PPDPF: variants seen among roughly 807,000 people sequenced by gnomAD.
PPDPF encodes pancreatic progenitor cell differentiation and proliferation factor, also known as exocrine differentiation and proliferation factor.
PPDPF carries 11 observed loss-of-function variants against 6.3 expected under a neutral mutation model. The observed-to-expected ratio is 1.76, with a 90% confidence interval of 1.11 to 2.91. PPDPF has a LOEUF of 2.91. PPDPF is among the 30% of genes most tolerant of loss of function. PPDPF has a pLI of 0.00. For synonymous variants in PPDPF, 86 were observed against 64.5 expected (o/e 1.33, Z -1.60); for missense variants, 202 against 159.4 (o/e 1.27, Z -1.44).
rs565296840 is a variant in PPDPF, at chr20:63,521,381, C to G, written c.55+18C>G. On this transcript the variant is annotated intron_variant, in intron 2 of 3. Transcript: ENST00000370179. ...CTACCGGCGTGAGTAGCCCCTGCCC[C>G]CCATCCACGCGGATGCTCTGCTGGC... The G allele has an allele frequency of 6.8e-6, 11 of 1,606,036 alleles. No individual in the cohort carries two copies. The Admixed American group carries it at 8.4e-5, about 12-fold the overall frequency.
In PPDPF at chr20:63,520,951, G is replaced by A. The variant is rs1394050816; in HGVS notation, c.-26+57G>A. The A allele has an allele frequency of 3.0e-6, 3 of 1,011,642 alleles. No homozygotes were observed. In the African/African-American group the frequency reaches 5.1e-5, roughly 17 times the overall value. 62.7% of individuals were successfully genotyped at this position (1,011,642 alleles called of 1,614,324 possible). On this transcript the variant is annotated intron_variant, in intron 1 of 3. Transcript: ENST00000370179. ...AGGCCCGAGGGGCGGGGGGCGAGGG[G>A]CGGGGCTGGGCCGGGGGCTCCTCTC...
rs2082554596 is a variant in PPDPF, at chr20:63,522,054, A to C, written c.*175A>C. 6.8e-6 allele frequency: 4 copies of C among 588,414 alleles called. No individual in the cohort carries two copies. Among genetic ancestry groups the C allele is most frequent in the African/African-American group, 2.0e-5 (1 of 51,172 alleles). The allele number at this position is 588,414 out of a possible 1,614,324, so 36.4% of individuals were successfully genotyped here. A position where few individuals can be genotyped will look rare whatever the true frequency, so the allele number is the denominator to read the frequency against. On this transcript the variant is annotated 3_prime_UTR_variant, in exon 4 of 4. Coordinates refer to ENST00000370179, the MANE Select transcript of PPDPF (RefSeq NM_024299.4). ...CGCATCAACACAGCAGACACCAAAAACCAGTGAGAGCCCCGCTCTCTACCG... is the reference window on the plus strand; with the variant it reads ...CGCATCAACACAGCAGACACCAAAACCCAGTGAGAGCCCCGCTCTCTACCG...
chr20:63,521,383 C>A lies in PPDPF; in HGVS notation c.55+20C>A, dbSNP rs778095287. 3.7e-6 allele frequency: 6 copies of A among 1,605,604 alleles called. No homozygotes were observed. The highest frequency in any genetic ancestry group is 1.3e-5 in the African/African-American group (1 of 74,706). ...ACCGGCGTGAGTAGCCCCTGCCCCC[C>A]ATCCACGCGGATGCTCTGCTGGCGC... On this transcript the variant is annotated intron_variant, in intron 2 of 3. Coordinates refer to ENST00000370179, the MANE Select transcript of PPDPF (RefSeq NM_024299.4).
rs756037403 is a variant in PPDPF, at chr20:63,521,307, G to C, written c.-2G>C. 5 of 1,610,068 alleles carry C rather than the reference G, an allele frequency of 3.1e-6. No homozygotes were observed. Among genetic ancestry groups the C allele is most frequent in the Non-Finnish European group, 4.2e-6 (5 of 1,178,786 alleles). The stretch of plus-strand genomic sequence containing the variant: ...AGATCCCACCAGCCAGCAAGCTAAA[G>C]CATGGCGGCCATCCCCTCCAGCGGC... On this transcript the variant is annotated 5_prime_UTR_variant, in exon 2 of 4. Transcript: ENST00000370179.
In PPDPF at chr20:63,521,929, G is replaced by A. The variant is rs1355169033; in HGVS notation, c.*50G>A. ...GGCCTGCGGAGGCGCTAGTCCACCA[G>A]AGCCCCTCCCCGCCCCTCTCCCCAC... On this transcript the variant is annotated 3_prime_UTR_variant, in exon 4 of 4. Transcript: ENST00000370179. 6.9e-7 allele frequency: 1 copy of A among 1,446,082 alleles called. No individual in the cohort carries two copies. Among genetic ancestry groups the A allele is most frequent in the Admixed American group, 2.0e-5 (1 of 49,210 alleles). 89.6% of individuals were successfully genotyped at this position (1,446,082 alleles called of 1,614,324 possible). A position where few individuals can be genotyped will look rare whatever the true frequency, so the allele number is the denominator to read the frequency against.
intron 1 of PPDPF, 114 bp from the exon 2 acceptor site, chr20:63,521,170 A>T (rs2082540598): frequency 1.9e-6 from 2 of 1,043,648 alleles, no homozygotes; most frequent in Non-Finnish European, 2.7e-6. Flanking sequence ...CGGTGCCGGG[A>T]GCTGGGGAGC....
chr20:63,521,254 C>T (rs903884236), intron 1 of PPDPF, 30 bp from the exon 2 acceptor site: 27 of 1,544,912 alleles, frequency 1.7e-5, no homozygotes, highest in African/African-American at 5.5e-5. Flanking sequence ...AGGCCGCTGA[C>T]CCGAGGGGCT....
intron 2 of PPDPF, 60 bp from the exon 3 acceptor site, chr20:63,521,452 A>G: frequency 6.4e-7 from 1 of 1,571,790 alleles, no homozygotes; most frequent in Non-Finnish European, 8.7e-7. Flanking sequence ...GCTCGGCCTG[A>G]AGGCCGGTGG....
chr20:63,521,950 C>T lies in PPDPF; in HGVS notation c.*71C>T. The T allele has an allele frequency of 8.1e-7, 1 of 1,233,298 alleles. No individual in the cohort carries two copies. Among genetic ancestry groups the T allele is most frequent in the Non-Finnish European group, 1.1e-6 (1 of 888,746 alleles). The allele number at this position is 1,233,298 out of a possible 1,614,324, so 76.4% of individuals were successfully genotyped here. ...ACCAGAGCCCCTCCCCGCCCCTCTC[C>T]CCACTCCGCATCCCTCGCCCCCCTC... On this transcript the variant is annotated 3_prime_UTR_variant, in exon 4 of 4. Coordinates refer to ENST00000370179, the MANE Select transcript of PPDPF (RefSeq NM_024299.4).
chr20:63,521,578 C>T lies in PPDPF; in HGVS notation c.122C>T (p.Pro41Leu), dbSNP rs1378538984. Residue 41 changes from proline to leucine, a missense_variant, in exon 3 of 4, where the codon CCC becomes CTC. By Grantham distance (98) the Pro-to-Leu change is moderately conservative. Coordinates refer to ENST00000370179, the MANE Select transcript of PPDPF (RefSeq NM_024299.4). ...SSTECPGEAI[P>L]HPPGLPKADP... is the part of the protein sequence containing the mutation. ...ACCGAGTGCCCCGGGGAAGCCATTC[C>T]CCACCCCCCAGGTGAGTGCAGGATC... The T allele has an allele frequency of 6.2e-7, 1 of 1,609,206 alleles. No individual in the cohort carries two copies. Among genetic ancestry groups the T allele is most frequent in the Admixed American group, 1.7e-5 (1 of 59,536 alleles).
chr20:63,521,155 G>T (rs73622818), intron 1 of PPDPF, 129 bp from the exon 2 acceptor site: 2 of 954,074 alleles, frequency 2.1e-6, no homozygotes, highest in Non-Finnish European at 1.5e-6. Context: ...CCCGCGCGGC[G>T]AAGGCGGTGC....
rs759369565 is a variant in PPDPF, at chr20:63,521,867, G to GC, written c.338dup (p.Ser114ValfsTer4). The GC allele has an allele frequency of 3.2e-5, 51 of 1,591,444 alleles. No individual in the cohort carries two copies. Among genetic ancestry groups the GC allele is most frequent in the Non-Finnish European group, 4.4e-5 (51 of 1,170,016 alleles). The stretch of plus-strand genomic sequence containing the variant: ...GTCAGTCCAGCACAGCCAGCGCTGG[G>GC]CCCCCGTCCTGACCTGAGCGGTTAC... On this transcript the variant is annotated frameshift_variant, in exon 4 of 4. Transcript: ENST00000370179. LOFTEE classifies it high-confidence loss of function.
intron 1 of PPDPF, 135 bp from the exon 2 acceptor site, chr20:63,521,149 C>T: frequency 1.0e-6 from 1 of 959,538 alleles, no homozygotes; most frequent in Non-Finnish European, 1.5e-6. Flanking sequence ...CCGCGCCCCG[C>T]GCGGCGAAGG....
chr20:63,521,368 G>C lies in PPDPF; in HGVS notation c.55+5G>C. 1 of 1,608,834 alleles carries C rather than the reference G, an allele frequency of 6.2e-7. No homozygotes were observed. The highest frequency in any genetic ancestry group is 8.5e-7 in the Non-Finnish European group (1 of 1,178,258). On this transcript the variant is annotated splice_donor_5th_base_variant and intron_variant, in intron 2 of 3. Coordinates refer to ENST00000370179, the MANE Select transcript of PPDPF (RefSeq NM_024299.4). The stretch of plus-strand genomic sequence containing the variant: ...CCACCCACGACTACTACCGGCGTGA[G>C]TAGCCCCTGCCCCCCATCCACGCGG...
chr20:63,521,160 C>T (rs1431032698), intron 1 of PPDPF, 124 bp from the exon 2 acceptor site: 75 of 984,714 alleles, frequency 7.6e-5, no homozygotes, highest in Non-Finnish European at 9.6e-5. Flanking sequence ...GCGGCGAAGG[C>T]GGTGCCGGGA....
At chr20:63,521,466 G>T in intron 2 of PPDPF, 46 bp from the exon 3 acceptor site, 1 of 1,562,240 alleles carries the variant, frequency 6.4e-7, no homozygotes, top group Non-Finnish European at 8.7e-7. Context: ...CCGGTGGGCT[G>T]GGGGGCTCCG....
In PPDPF at chr20:63,521,534, C is replaced by T; in HGVS notation, c.78C>T (p.Ser26=). Residue 26 remains serine, a synonymous_variant, in exon 3 of 4, where the codon AGC becomes AGT. Coordinates refer to ENST00000370179, the MANE Select transcript of PPDPF (RefSeq NM_024299.4). ...CAGGCCGCCTGGGTTCCACTTCCAG[C>T]AACAGCTCCTGCAGCAGTACCGAGT... The part of the protein sequence containing the change: ...YYRRRLGSTS[S]NSSCSSTECP... The T allele has an allele frequency of 4.4e-6, 7 of 1,587,404 alleles. No individual in the cohort carries two copies. The highest frequency in any genetic ancestry group is 6.0e-6 in the Non-Finnish European group (7 of 1,165,378).
chr20:63,521,950 C>A lies in PPDPF; in HGVS notation c.*71C>A. 1 of 1,233,298 alleles carries A rather than the reference C, an allele frequency of 8.1e-7. No individual in the cohort carries two copies. Among genetic ancestry groups the A allele is most frequent in the Non-Finnish European group, 1.1e-6 (1 of 888,746 alleles). 76.4% of individuals were successfully genotyped at this position (1,233,298 alleles called of 1,614,324 possible). On this transcript the variant is annotated 3_prime_UTR_variant, in exon 4 of 4. Transcript: ENST00000370179. The stretch of plus-strand genomic sequence containing the variant: ...ACCAGAGCCCCTCCCCGCCCCTCTC[C>A]CCACTCCGCATCCCTCGCCCCCCTC...
rs1375132390 is a variant in PPDPF, at chr20:63,521,968, C to T, written c.*89C>T. 4 of 996,976 alleles carry T rather than the reference C, an allele frequency of 4.0e-6. No individual in the cohort carries two copies. Among genetic ancestry groups the T allele is most frequent in the South Asian group, 3.2e-5 (2 of 61,612 alleles). 61.8% of individuals were successfully genotyped at this position (996,976 alleles called of 1,614,324 possible). A position where few individuals can be genotyped will look rare whatever the true frequency, so the allele number is the denominator to read the frequency against. Reference sequence around the variant, plus strand: ...CCCTCTCCCCACTCCGCATCCCTCGCCCCCCTCCCCACCTCCCACCCCCCA... The same window carrying T: ...CCCTCTCCCCACTCCGCATCCCTCGTCCCCCTCCCCACCTCCCACCCCCCA... On this transcript the variant is annotated 3_prime_UTR_variant, in exon 4 of 4. Transcript: ENST00000370179.
Sources: gnomAD v4.1 joint callset for allele counts on GRCh38, gnomAD v4.1.1 for gene constraint, MANE v1.5 for transcripts, NCBI Gene and HGNC (gene_info 2026-07-23, HGNC 2026-07-21) for gene names.